AGBL1: variants seen among roughly 807,000 people sequenced by gnomAD.
The protein encoded by AGBL1 is AGBL carboxypeptidase 1.
Under a neutral mutation model 118.9 loss-of-function variants are expected in AGBL1, and 130 were observed. That is an observed-to-expected ratio of 1.09 (90% CI 0.95 to 1.26). The LOEUF is 1.26. Ranked by LOEUF, AGBL1 falls within the 50% of genes most tolerant of loss-of-function variation. The probability of loss-of-function intolerance (pLI) is 0.00; values close to 1 mark genes in which losing one functional copy is unlikely to be tolerated. For synonymous variants in AGBL1, 555 were observed against 478.9 expected (o/e 1.16, Z -2.08); for missense variants, 1,584 against 1,298.1 (o/e 1.22, Z -3.38).
At chr15:86,643,422 A>G (rs983221599) in intron 21 of AGBL1, among the ~76,000 whole-genome samples, 1 of 152,104 alleles carries the variant, frequency 6.6e-6, no homozygotes. Flanking sequence ...ATGCCCCTAT[A>G]TTTGCTGCCA....
chr15:86,300,540 GA>G (rs1373714391), intron 17 of AGBL1, among the ~76,000 whole-genome samples: 1 of 152,132 alleles, frequency 6.6e-6, no homozygotes, highest in African/African-American at 2.4e-5. Context: ...GAGAAGTCAA[GA>G]AACAACAAAG....
intron 1 of AGBL1, among the ~76,000 whole-genome samples, chr15:86,112,574 A>G (rs952918356): frequency 6.6e-6 from 1 of 152,208 alleles, no homozygotes; most frequent in African/African-American, 2.4e-5. Context: ...CTTCGCAAAT[A>G]AGATGTTTGT....
intron 24 of AGBL1, among the ~76,000 whole-genome samples, chr15:87,004,388 T>C (rs996678764): frequency 2.6e-5 from 4 of 152,172 alleles, no homozygotes; most frequent in African/African-American, 4.8e-5. Flanking sequence ...TGGGTGCATA[T>C]ATATTTAGGA....
At chr15:86,917,700 G>T (rs995249834), downstream of AGBL1, among the ~76,000 whole-genome samples, 4 of 152,132 alleles carry the variant, frequency 2.6e-5, no homozygotes, top group Non-Finnish European at 4.4e-5. The surrounding 1 kb of genome is among the most constrained non-coding windows in gnomAD (Gnocchi z 4.8). Flanking sequence ...CGGGGTGAGG[G>T]ATGAAAAGCT....
chr15:86,704,016 C>A (rs1018054865), intron 22 of AGBL1, among the ~76,000 whole-genome samples: 1 of 152,064 alleles, frequency 6.6e-6, no homozygotes, highest in Non-Finnish European at 1.5e-5. Context: ...CTTCAACAAA[C>A]CTGACAAAAA....
At position 86,262,078 on chromosome 15, in the gene AGBL1, C is replaced by CTTTTGTTTTTTTTTTTTTTTTTTTTTTTT. The variant is rs2078997356; in HGVS notation, c.970-696_970-695insGTTTTTTTTTTTTTTTTTTTTTTTTTTTT. On this transcript the variant is annotated intron_variant, in intron 9 of 22. Transcript: ENST00000614907. ...CACTGCTAGGCCTATGCATAGCTGG[C>CTTTTGTTTTTTTTTTTTTTTTTTTTTTTT]TTTTTTTTTTTTTTTTGCCATTTAG... Among the ~76,000 whole-genome samples, 2 of 52,768 alleles carry CTTTTGTTTTTTTTTTTTTTTTTTTTTTTT rather than the reference C, an allele frequency of 3.8e-5. 1 individual carries two copies. Among genetic ancestry groups the CTTTTGTTTTTTTTTTTTTTTTTTTTTTTT allele is most frequent in the Non-Finnish European group, 7.1e-5 (2 of 28,100 alleles). 34.6% of individuals were successfully genotyped at this position (52,768 alleles called of 152,430 possible). A position where few individuals can be genotyped will look rare whatever the true frequency, so the allele number is the denominator to read the frequency against.
intron 24 of AGBL1, among the ~76,000 whole-genome samples, chr15:86,994,909 C>A (rs926194720): frequency 1.3e-5 from 2 of 152,098 alleles, no homozygotes; most frequent in Admixed American, 1.3e-4. Context: ...TTGACCCATA[C>A]AGTAAAATAT....
intron 22 of AGBL1, among the ~76,000 whole-genome samples, chr15:86,693,303 G>GGT (rs745357778): frequency 1.3e-4 from 20 of 152,128 alleles, no homozygotes; most frequent in Non-Finnish European, 2.4e-4. Context: ...TCTTGCAGGA[G>GGT]TAAAGTGGTA....
intron 20 of AGBL1, among the ~76,000 whole-genome samples, chr15:86,549,848 C>CAGGAG (rs2142261269): frequency 8.7e-6 from 1 of 114,722 alleles, no homozygotes; most frequent in East Asian, 3.0e-4. Flanking sequence ...GGAAAGAGGA[C>CAGGAG]AGGAGAGGAG....
chr15:86,317,630 T>A (rs1193584289), intron 17 of AGBL1, among the ~76,000 whole-genome samples: 1 of 152,120 alleles, frequency 6.6e-6, no homozygotes, highest in Non-Finnish European at 1.5e-5. Context: ...GGGAGGAGGA[T>A]TGAGTCGATA....
At chr15:86,507,830 A>G (rs1482307493) in intron 18 of AGBL1, among the ~76,000 whole-genome samples, 1 of 152,060 alleles carries the variant, frequency 6.6e-6, no homozygotes, top group Non-Finnish European at 1.5e-5. Context: ...TATACTAAAT[A>G]TTTTGAAGAT....
intron 21 of AGBL1, among the ~76,000 whole-genome samples, chr15:86,572,909 A>G (rs1567064788): frequency 6.6e-6 from 1 of 152,200 alleles, no homozygotes; most frequent in East Asian, 1.9e-4. Flanking sequence ...AGTCTTCAAC[A>G]TTCTTCACCA....
At chr15:86,609,079 G>T (rs1038339098) in intron 21 of AGBL1, among the ~76,000 whole-genome samples, 1 of 152,140 alleles carries the variant, frequency 6.6e-6, no homozygotes, top group Non-Finnish European at 1.5e-5. Flanking sequence ...TGTGCGGGTT[G>T]GCTCTTGTGA....
chr15:87,014,941 G>A (rs2141789347), intron 24 of AGBL1, among the ~76,000 whole-genome samples: 1 of 152,252 alleles, frequency 6.6e-6, no homozygotes, highest in African/African-American at 2.4e-5. Context: ...CTCTCTAAGG[G>A]TGTTTTAAGA....
chr15:86,673,954 G>A (rs779878659), intron 21 of AGBL1, among the ~76,000 whole-genome samples: 10 of 152,210 alleles, frequency 6.6e-5, no homozygotes, highest in East Asian at 1.9e-4. Context: ...AGATAAAAGC[G>A]TTGCTGCTTT....
chr15:86,616,126 C>T (rs2084717745), intron 21 of AGBL1, among the ~76,000 whole-genome samples: 1 of 151,908 alleles, frequency 6.6e-6, no homozygotes, highest in Non-Finnish European at 1.5e-5. Flanking sequence ...CACCTGAAGT[C>T]AGGAGTTTGA....
intron 1 of AGBL1, among the ~76,000 whole-genome samples, chr15:86,083,004 G>A (rs950953940): frequency 6.6e-6 from 1 of 152,194 alleles, no homozygotes; most frequent in African/African-American, 2.4e-5. Flanking sequence ...TTAAAAATAC[G>A]TTCCTTAGCA....
At chr15:86,528,592 G>T (rs2083302144) in intron 19 of AGBL1, among the ~76,000 whole-genome samples, 1 of 132,104 alleles carries the variant, frequency 7.6e-6, no homozygotes, top group Non-Finnish European at 1.6e-5. Flanking sequence ...AGCTCGAACT[G>T]GGTGGAGCCC....
chr15:86,160,108 T>TG (rs934661707), intron 5 of AGBL1, among the ~76,000 whole-genome samples: 5 of 151,054 alleles, frequency 3.3e-5, no homozygotes, highest in Non-Finnish European at 7.4e-5. Flanking sequence ...GGTTTTTTTT[T>TG]TTTTTTTTTT....
Sources: allele counts gnomAD v4.1 joint callset (sites outside exome capture counted in the v4.1 genomes callset), GRCh38; gene constraint gnomAD v4.1.1; non-coding constraint Gnocchi (gnomAD v3.1); transcripts MANE v1.5; gene names NCBI Gene and HGNC (gene_info 2026-07-23, HGNC 2026-07-21).